CEACAM20: variants seen among roughly 807,000 people sequenced by gnomAD.
CEACAM20 encodes cell adhesion molecule CEACAM20.
In CEACAM20, 50 loss-of-function variants were observed where a neutral mutation model predicts 61.2. The ratio of observed to expected loss-of-function variants is 0.82; its 90% CI spans 0.65 to 1.03. The LOEUF (loss-of-function observed/expected upper bound fraction) is 1.03, where lower values mean the gene tolerates loss of function less well. Among genes scored for constraint, CEACAM20 ranks in the 50% least tolerant of loss-of-function variants. The pLI, the probability that CEACAM20 is intolerant of heterozygous loss-of-function variation, is 0.00. For synonymous variants in CEACAM20, 282 were observed against 287.7 expected, an observed-to-expected ratio of 0.98 and a Z score of 0.20; for missense variants, 683 against 736.4, an observed-to-expected ratio of 0.93 and a Z score of 0.84.
intron 6 of CEACAM20, among the ~76,000 whole-genome samples, chr19:44,516,332 T>C (rs1046675017): frequency 6.6e-6 from 1 of 152,222 alleles, no homozygotes; most frequent in African/African-American, 2.4e-5. Flanking sequence ...ACGATATGAT[T>C]TGGCTGTGTC....
intron 6 of CEACAM20, among the ~76,000 whole-genome samples, chr19:44,516,027 C>T (rs1568450265): frequency 6.6e-6 from 1 of 152,128 alleles, no homozygotes; most frequent in Non-Finnish European, 1.5e-5. Context: ...CTTCAACAAC[C>T]CTAAGAAATA....
chr19:44,510,909 G>C, intron 11 of CEACAM20, 121 bp downstream of exon 11: 1 of 1,193,696 alleles, frequency 8.4e-7, no homozygotes, highest in Non-Finnish European at 1.2e-6. Flanking sequence ...ATGGAATTGA[G>C]AAGATTTTTA....
rs372035768 is a variant in CEACAM20, at chr19:44,511,161, A to G, written c.1612-6T>C. Reference sequence around the variant, plus strand: ...CTTGCTGAAGGCAGCTTCGTCTGCAAGTAAGCAGAGAAATTAGGCAGGGCC... The same window carrying G: ...CTTGCTGAAGGCAGCTTCGTCTGCAGGTAAGCAGAGAAATTAGGCAGGGCC... On this transcript the variant is annotated splice_polypyrimidine_tract_variant and splice_region_variant and intron_variant, in intron 10 of 11. Transcript: ENST00000614924. The G allele has an allele frequency of 6.8e-6, 11 of 1,613,380 alleles. No individual in the cohort carries two copies. Among genetic ancestry groups the G allele is most frequent in the Non-Finnish European group, 8.5e-6 (10 of 1,179,740 alleles).
chr19:44,512,099 T>C (rs1234519192), intron 8 of CEACAM20, 21 bp from the exon 9 acceptor site: 10 of 1,591,616 alleles, frequency 6.3e-6, no homozygotes, highest in Non-Finnish European at 8.6e-6. Flanking sequence ...TGAATCTCAG[T>C]CAGGAGCTGG....
rs761422267 is a variant in CEACAM20, at chr19:44,525,231, G to A, written c.66C>T (p.Thr22=). The A allele has an allele frequency of 2.0e-5, 32 of 1,586,804 alleles. No homozygotes were observed. Among genetic ancestry groups the A allele is most frequent in the South Asian group, 1.7e-4 (15 of 86,446 alleles). ...MGILLSASLC[T]VWSPPAAAQL... ...GGGCTGCAGCTGGAGGACTCCATAC[G>A]GTACAAAGCGAGGCTACAAGGGGAG... is the stretch of plus-strand genomic sequence containing the variant. Residue 22 remains threonine (T), a synonymous_variant, in exon 2 of 12, where the codon ACC becomes ACT. Transcript: ENST00000614924.
chr19:44,521,359 A>G (rs1971359761), intron 4 of CEACAM20, among the ~76,000 whole-genome samples: 1 of 152,096 alleles, frequency 6.6e-6, no homozygotes, highest in Admixed American at 6.5e-5. Context: ...CTGAATGTCA[A>G]TGATATGTGT....
In CEACAM20 at chr19:44,524,033, T is replaced by A. The variant is rs771593520; in HGVS notation, c.425A>T (p.Asp142Val). The A allele has an allele frequency of 1.9e-6, 3 of 1,556,780 alleles. No individual in the cohort carries two copies. The South Asian group carries it at 3.6e-5, about 18-fold the overall frequency. The change falls in exon 3 of 12, where the codon GAT becomes GTT. Residue 142 changes from aspartate to valine, a missense_variant. Asp to Val is a radical substitution (Grantham distance 152). Transcript: ENST00000614924. ...GTCGCTCCTCTGGCTCAGAAGGGCA[T>A]CTCGAGCTTCACATTGGTAAGTCCC... ...DSGTYQCEAR[D>V]ALLSQRSDPI...
chr19:44,528,370 G>T (rs1301537400), intron 1 of CEACAM20, among the ~76,000 whole-genome samples: 1 of 151,928 alleles, frequency 6.6e-6, no homozygotes, highest in African/African-American at 2.4e-5. Flanking sequence ...TGGGATTACA[G>T]GTGCCCGCCA....
Position 44,517,069 on chromosome 19 carries a change from G to A in CEACAM20, c.1186C>T (p.His396Tyr). 1 of 1,607,550 alleles carries A rather than the reference G, an allele frequency of 6.2e-7. No homozygotes were observed. Among genetic ancestry groups the A allele is most frequent in the Non-Finnish European group, 8.5e-7 (1 of 1,177,168 alleles). Reference protein sequence around the residue: ...RWTLEHSTGEHLGEQLIIRAL... With the variant: ...RWTLEHSTGEYLGEQLIIRAL... ...CTGATAATCAGCTGCTCACCCAGGT[G>A]CTCCCCGGTGGAGTGTTCAAGAGTC... Residue 396 changes from histidine (H) to tyrosine (Y), a missense_variant, in exon 6 of 12, where the codon CAC (histidine) becomes TAC (tyrosine). Coordinates refer to ENST00000614924, the MANE Select transcript of CEACAM20 (RefSeq NM_001102597.3).
chr19:44,520,827 T>A (rs1971340305), intron 4 of CEACAM20, 75 bp from the exon 5 acceptor site: 1 of 1,470,270 alleles, frequency 6.8e-7, no homozygotes, highest in Admixed American at 1.8e-5. Flanking sequence ...GGCCCACAAG[T>A]TTTTCCAGGA....
At chr19:44,517,265 A>C in intron 5 of CEACAM20, 41 bp from the exon 6 acceptor site, 1 of 1,588,476 alleles carries the variant, frequency 6.3e-7, no homozygotes, top group Non-Finnish European at 8.5e-7. Flanking sequence ...GGCCCCCATC[A>C]GCGAGTCATC....
At chr19:44,527,092 G>C (rs1400923350) in intron 1 of CEACAM20, among the ~76,000 whole-genome samples, 3 of 152,126 alleles carry the variant, frequency 2.0e-5, no homozygotes, top group Non-Finnish European at 4.4e-5. Context: ...TATGAACTCT[G>C]TCACTTACTA....
At chr19:44,520,335 TG>T in intron 5 of CEACAM20, 138 bp downstream of exon 5, 1 of 1,128,656 alleles carries the variant, frequency 8.9e-7, no homozygotes, top group Non-Finnish European at 1.2e-6. Flanking sequence ...GGCAGGCACT[TG>T]GCCCTGTCCA....
At chr19:44,511,990 G>C (rs576892428) in intron 9 of CEACAM20, 27 bp downstream of exon 9, 1 of 1,596,394 alleles carries the variant, frequency 6.3e-7, no homozygotes, top group East Asian at 2.2e-5. Context: ...GGGGATCAAG[G>C]AGGGTTCCCT....
intron 1 of CEACAM20, among the ~76,000 whole-genome samples, chr19:44,526,326 T>C (rs1174539453): frequency 6.6e-6 from 1 of 151,382 alleles, no homozygotes; most frequent in African/African-American, 2.4e-5. Context: ...CTGGGCAACA[T>C]AGTGAAGCTC....
At chr19:44,522,453 A>G (rs1971393736) in intron 4 of CEACAM20, among the ~76,000 whole-genome samples, 181 bp downstream of exon 4, 1 of 152,042 alleles carries the variant, frequency 6.6e-6, no homozygotes, top group Non-Finnish European at 1.5e-5. Flanking sequence ...TCTGATGACA[A>G]TCCTAGATCC....
At chr19:44,523,943 G>C in intron 3 of CEACAM20, 43 bp downstream of exon 3, 1 of 1,518,954 alleles carries the variant, frequency 6.6e-7, no homozygotes, top group African/African-American at 1.4e-5. Context: ...CACTAAGCAA[G>C]TGAGTGTCAG....
chr19:44,522,547 T>C (rs943054411), intron 4 of CEACAM20, 87 bp downstream of exon 4: 2 of 1,431,014 alleles, frequency 1.4e-6, no homozygotes, highest in Admixed American at 2.3e-5. Context: ...CCAAAGGCCC[T>C]GGATTAAGAA....
intron 6 of CEACAM20, among the ~76,000 whole-genome samples, 152 bp from the exon 7 acceptor site, chr19:44,513,441 T>C (rs77929682): frequency 3.1e-5 from 4 of 130,984 alleles, no homozygotes; most frequent in Non-Finnish European, 3.1e-5. Context: ...TTTTTGGTTT[T>C]GCTTTTTTTT....
Sources: allele counts gnomAD v4.1 joint callset (sites outside exome capture counted in the v4.1 genomes callset), GRCh38; gene constraint gnomAD v4.1.1; transcripts MANE v1.5; gene names NCBI Gene and HGNC (gene_info 2026-07-23, HGNC 2026-07-21).